CPLX2: variants seen among roughly 807,000 people sequenced by gnomAD.
CPLX2 encodes complexin-2.
CPLX2 carries 5 observed loss-of-function variants against 16.3 expected under a neutral mutation model. The observed-to-expected ratio is 0.31, with a 90% CI of 0.16 to 0.64. The LOEUF (loss-of-function observed/expected upper bound fraction) is 0.64. CPLX2 is among the 30% of genes least tolerant of loss of function. CPLX2 has a pLI of 0.79. For synonymous variants in CPLX2, 89 were observed against 73.2 expected (o/e 1.22, Z -1.10); for missense variants, 144 against 181.4 (o/e 0.79, Z 1.18).
chr5:175,878,803 C>G lies in CPLX2; in HGVS notation c.31+33C>G, dbSNP rs1755479151. The G allele has an allele frequency of 2.5e-6, 4 of 1,611,506 alleles. No homozygotes were observed. The South Asian group carries it at 3.3e-5, about 13-fold the overall frequency. On this transcript the variant is annotated intron_variant, in intron 2 of 3. Coordinates refer to ENST00000393745, the MANE Select transcript of CPLX2 (RefSeq NM_001008220.2). ...CCAGCGCCCCTCCGCGTGTCCTCAG[C>G]CGGTCCCACCCTTGTGGGAGGTGGC...
intron 2 of CPLX2, among the ~76,000 whole-genome samples, chr5:175,835,864 G>C (rs1353879125): frequency 2.0e-5 from 3 of 149,268 alleles, no homozygotes; most frequent in African/African-American, 7.4e-5. Flanking sequence ...TCAGCCTCCT[G>C]AGTAACTGGG....
rs115197827 is a variant in CPLX2, at chr5:175,844,412, G to A, written c.-88-34240G>A. ...TACTGTGTACCAGGCACTGCGGTTA[G>A]AGGGGCCAATAGGGACAGACAAGAG... is the stretch of plus-strand genomic sequence containing the variant. On this transcript the variant is annotated intron_variant, in intron 2 of 4. Transcript: ENST00000359546. Among the ~76,000 whole-genome samples, 612 of 152,362 alleles carry A rather than the reference G, an allele frequency of 4.0e-3. 3 individuals carry two copies. The highest frequency in any genetic ancestry group is 0.014 in the African/African-American group (578 of 41,584).
chr5:175,799,473 T>C (rs1420470997), intron 1 of CPLX2, among the ~76,000 whole-genome samples: 2 of 150,346 alleles, frequency 1.3e-5, no homozygotes, highest in Non-Finnish European at 3.0e-5. Flanking sequence ...AATACCCTTC[T>C]TTGTTCTCAA....
intron 1 of CPLX2, among the ~76,000 whole-genome samples, chr5:175,876,289 A>G (rs1759754170): frequency 6.6e-6 from 1 of 152,162 alleles, no homozygotes; most frequent in Non-Finnish European, 1.5e-5. Context: ...GAGTGAATAT[A>G]GAGGTCTAGG....
chr5:175,873,674 A>ATGC (rs980671013), intron 1 of CPLX2, among the ~76,000 whole-genome samples: 1 of 152,174 alleles, frequency 6.6e-6, no homozygotes, highest in African/African-American at 2.4e-5. Context: ...TCAGAAATCA[A>ATGC]TGCTGCTGAT....
intron 2 of CPLX2, among the ~76,000 whole-genome samples, chr5:175,823,197 G>C (rs1238339959): frequency 6.6e-6 from 1 of 152,206 alleles, no homozygotes; most frequent in Non-Finnish European, 1.5e-5. Context: ...AGTATCGTCA[G>C]GACAAAGTCA....
In CPLX2 at chr5:175,799,546, A is replaced by ATATT. The variant is rs1348959103; in HGVS notation, c.-169+2765_-169+2766insTTAT. ...AGATCCCTTTGCAAATTTCATATAT[A>ATATT]TATATATATATATATATATATATAT... On this transcript the variant is annotated intron_variant, in intron 1 of 4. Coordinates refer to the CPLX2 transcript ENST00000359546. Among the ~76,000 whole-genome samples the ATATT allele has an allele frequency of 1.8e-3, 192 of 107,506 alleles. 4 individuals are homozygous for ATATT. Among genetic ancestry groups the ATATT allele is most frequent in the African/African-American group, 4.6e-3 (139 of 30,146 alleles). 70.5% of individuals were successfully genotyped at this position (107,506 alleles called of 152,430 possible).
intron 2 of CPLX2, among the ~76,000 whole-genome samples, chr5:175,819,752 G>A (rs1758472910): frequency 6.6e-6 from 1 of 152,252 alleles, no homozygotes; most frequent in East Asian, 1.9e-4. Flanking sequence ...GACCTCACAG[G>A]TCAAAAGTGT....
chr5:175,868,975 T>C (rs1445788226), upstream of CPLX2, among the ~76,000 whole-genome samples: 4 of 152,196 alleles, frequency 2.6e-5, no homozygotes, highest in Admixed American at 6.5e-5. Flanking sequence ...ATGTAAATTA[T>C]ATAAAGCACC....
chr5:175,850,302 C>T (rs1311382718), intron 2 of CPLX2, among the ~76,000 whole-genome samples: 1 of 152,080 alleles, frequency 6.6e-6, no homozygotes, highest in Non-Finnish European at 1.5e-5. Context: ...TTGGGCCGTG[C>T]CTTGAAGAAA....
At chr5:175,874,007 A>T (rs1334307720) in intron 1 of CPLX2, among the ~76,000 whole-genome samples, 1 of 152,210 alleles carries the variant, frequency 6.6e-6, no homozygotes, top group African/African-American at 2.4e-5. Context: ...CCTGTGCAAG[A>T]GGTGGCACAC....
chr5:175,840,674 C>T (rs986970340), intron 2 of CPLX2, among the ~76,000 whole-genome samples: 2 of 152,208 alleles, frequency 1.3e-5, no homozygotes, highest in African/African-American at 4.8e-5. Flanking sequence ...TTTCCTAATG[C>T]AAAGGCATGA....
upstream of CPLX2, among the ~76,000 whole-genome samples, chr5:175,868,711 T>G (rs1759524621): frequency 6.6e-6 from 1 of 151,660 alleles, no homozygotes; most frequent in South Asian, 2.1e-4. Context: ...TTTTTTTTTC[T>G]TTTAGTGAGA....
At chr5:175,850,522 AC>A in intron 2 of CPLX2, among the ~76,000 whole-genome samples, 1 of 152,044 alleles carries the variant, frequency 6.6e-6, no homozygotes, top group East Asian at 1.9e-4. Flanking sequence ...TCCTCGGAAC[AC>A]CCCCTTGATG....
upstream of CPLX2, among the ~76,000 whole-genome samples, chr5:175,871,072 GC>G (rs1759581553): frequency 1.3e-5 from 2 of 152,230 alleles, 1 homozygote; most frequent in Middle Eastern, 6.8e-3. Context: ...AGTGGCAGGA[GC>G]CGCAAGAAGT....
Position 175,883,423 on chromosome 5 carries a change from G to A in CPLX2, c.*3378G>A, listed in dbSNP as rs1267388234. The stretch of plus-strand genomic sequence containing the variant: ...TGTGTAAGAGAGAGAGAGAGAACAG[G>A]GAGGATACAGAAGTATTGCAGCCCA... On this transcript the variant is annotated 3_prime_UTR_variant, in exon 4 of 4. Coordinates refer to ENST00000393745, the MANE Select transcript of CPLX2 (RefSeq NM_001008220.2). 1 of 152,312 alleles carries A rather than the reference G, an allele frequency of 6.6e-6. No homozygotes were observed. The allele number at this position is 152,312 out of a possible 1,614,324, so 9.4% of individuals were successfully genotyped here.
rs1474157450 is a variant in CPLX2 at position 175,882,838 on chromosome 5, G to C, written c.*2793G>C. On this transcript the variant is annotated 3_prime_UTR_variant, in exon 4 of 4. Transcript: ENST00000393745. ...GATGCAGACCTGGCTGTGGAGAGCAGCTAATGTGTGGCCCAGAGAGCCTGT... is the reference window on the plus strand; with the variant it reads ...GATGCAGACCTGGCTGTGGAGAGCACCTAATGTGTGGCCCAGAGAGCCTGT... 6.6e-6 allele frequency: 1 copy of C among 152,538 alleles called. No individual in the cohort carries two copies. Among genetic ancestry groups the C allele is most frequent in the Non-Finnish European group, 1.5e-5 (1 of 68,156 alleles). The allele number at this position is 152,538 out of a possible 1,614,324, so 9.4% of individuals were successfully genotyped here. A position where few individuals can be genotyped will look rare whatever the true frequency, so the allele number is the denominator to read the frequency against.
chr5:175,803,947 C>T (rs749523833), intron 1 of CPLX2, among the ~76,000 whole-genome samples: 1 of 152,176 alleles, frequency 6.6e-6, no homozygotes, highest in Non-Finnish European at 1.5e-5. Context: ...CATCCTAATG[C>T]CGGGAGGATG....
At chr5:175,835,031 T>C (rs1332307127) in intron 2 of CPLX2, among the ~76,000 whole-genome samples, 3 of 152,154 alleles carry the variant, frequency 2.0e-5, no homozygotes, top group Admixed American at 6.5e-5. Context: ...GATGGGGACA[T>C]GGCAAAGAGA....
Sources: gnomAD v4.1 joint callset for allele counts (sites outside exome capture counted in the v4.1 genomes callset) on GRCh38, gnomAD v4.1.1 for gene constraint, MANE v1.5 for transcripts, NCBI Gene and HGNC (gene_info 2026-07-23, HGNC 2026-07-21) for gene names.